The following SLC25A21 variants were observed in gnomAD, a reference collection of about 807,000 sequenced individuals.
SLC25A21 encodes the protein mitochondrial 2-oxodicarboxylate carrier.
Under a neutral mutation model 43.8 loss-of-function variants are expected in SLC25A21, and 47 were observed. That is an observed-to-expected ratio of 1.07 (90% confidence interval 0.85 to 1.37). The LOEUF is 1.37. Ranked by LOEUF, SLC25A21 falls within the 40% of genes most tolerant of loss-of-function variation. The pLI is 0.00. For synonymous variants in SLC25A21, 131 were observed against 121.3 expected, an observed-to-expected ratio of 1.08 and a Z score of -0.52; for missense variants, 352 against 350.2, an observed-to-expected ratio of 1.00 and a Z score of -0.04.
chr14:36,850,633 T>C (rs1489244337), intron 2 of SLC25A21, among the ~76,000 whole-genome samples: 2 of 152,172 alleles, frequency 1.3e-5, no homozygotes, highest in Non-Finnish European at 2.9e-5. Context: ...AAGTAGTTGA[T>C]AGTCCATTAC....
chr14:36,783,224 G>A (rs564023570), intron 3 of SLC25A21, among the ~76,000 whole-genome samples: 61 of 149,306 alleles, frequency 4.1e-4, no homozygotes, highest in South Asian at 1.1e-3. Context: ...GTGGGGGGGC[G>A]GAGGAGGAAT....
At chr14:36,765,160 C>T (rs748507425) in intron 3 of SLC25A21, among the ~76,000 whole-genome samples, 1 of 152,238 alleles carries the variant, frequency 6.6e-6, no homozygotes, top group Non-Finnish European at 1.5e-5. Flanking sequence ...TAGTGTCCTG[C>T]ATTGCTAAGA....
intron 1 of SLC25A21, among the ~76,000 whole-genome samples, chr14:36,980,785 G>C (rs917365808): frequency 6.6e-6 from 1 of 152,158 alleles, no homozygotes; most frequent in African/African-American, 2.4e-5. Context: ...GCATGGGCAA[G>C]GATTTCATGA....
At chr14:36,757,748 C>T (rs1885990925) in intron 3 of SLC25A21, among the ~76,000 whole-genome samples, 1 of 152,242 alleles carries the variant, frequency 6.6e-6, no homozygotes, top group Non-Finnish European at 1.5e-5. Context: ...CAGAAATGGA[C>T]TGGTGTTCAT....
chr14:36,787,102 G>A (rs848114), intron 3 of SLC25A21, among the ~76,000 whole-genome samples: 24,866 of 152,146 alleles, frequency 0.16, 2,236 homozygotes, highest in Middle Eastern at 0.24. Context: ...CAGTGGCCCT[G>A]GGTGAGCTGG....
At chr14:36,978,562 C>T (rs964884974) in intron 1 of SLC25A21, among the ~76,000 whole-genome samples, 10 of 152,120 alleles carry the variant, frequency 6.6e-5, no homozygotes, top group Non-Finnish European at 1.3e-4. Flanking sequence ...TACAATAAAA[C>T]GAGGTATGCC....
chr14:36,818,438 AACT>A (rs1888525123), intron 2 of SLC25A21, among the ~76,000 whole-genome samples: 6 of 152,194 alleles, frequency 3.9e-5, no homozygotes, highest in Non-Finnish European at 7.3e-5. Context: ...AGAGTCCATA[AACT>A]GTGTTGCATG....
At chr14:36,917,303 T>C (rs1378615887) in intron 1 of SLC25A21, among the ~76,000 whole-genome samples, 1 of 152,204 alleles carries the variant, frequency 6.6e-6, no homozygotes, top group East Asian at 1.9e-4. Flanking sequence ...ACTTCCAGCC[T>C]AGAAAAGTAA....
chr14:36,804,176 T>C (rs1258579471), intron 3 of SLC25A21, among the ~76,000 whole-genome samples: 1 of 152,200 alleles, frequency 6.6e-6, no homozygotes, highest in Non-Finnish European at 1.5e-5. Context: ...TGCTGAAGTT[T>C]TCTTGTACAT....
At chr14:36,829,912 A>T (rs939089908) in intron 2 of SLC25A21, among the ~76,000 whole-genome samples, 1 of 150,246 alleles carries the variant, frequency 6.7e-6, no homozygotes, top group Admixed American at 6.7e-5. Flanking sequence ...TAGATGACTG[A>T]TGTTGTCTGC....
chr14:37,150,443 AT>A, intron 1 of SLC25A21, among the ~76,000 whole-genome samples: 1 of 152,268 alleles, frequency 6.6e-6, no homozygotes, highest in Admixed American at 6.5e-5. Flanking sequence ...ACATAAACCC[AT>A]TTTTCCATAC....
At chr14:36,844,351 G>C (rs1014432030) in intron 2 of SLC25A21, among the ~76,000 whole-genome samples, 8 of 152,194 alleles carry the variant, frequency 5.3e-5, no homozygotes, top group African/African-American at 1.7e-4. Context: ...TGCTGGCACA[G>C]ACTCACTGCT....
At chr14:36,765,556 T>C (rs950191220) in intron 3 of SLC25A21, among the ~76,000 whole-genome samples, 10 of 152,188 alleles carry the variant, frequency 6.6e-5, no homozygotes, top group African/African-American at 2.2e-4. Context: ...CAACATTGTA[T>C]ATCATGGCTT....
At chr14:36,930,527 A>G (rs747193354) in intron 1 of SLC25A21, among the ~76,000 whole-genome samples, 1 of 152,054 alleles carries the variant, frequency 6.6e-6, no homozygotes, top group Non-Finnish European at 1.5e-5. Context: ...CCCTTGCCTT[A>G]TATCGATCTG....
intron 1 of SLC25A21, among the ~76,000 whole-genome samples, chr14:37,092,945 G>GGA (rs1202533914): frequency 2.6e-5 from 4 of 151,604 alleles, no homozygotes; most frequent in East Asian, 1.9e-4. Context: ...GCACATACGG[G>GGA]GAGAGAGAGA....
chr14:36,951,196 CA>C (rs1265795032), intron 1 of SLC25A21, among the ~76,000 whole-genome samples: 3 of 139,294 alleles, frequency 2.2e-5, no homozygotes, highest in Non-Finnish European at 4.6e-5. Flanking sequence ...ACAAAAAGAG[CA>C]ATAGTTTAAC....
At chr14:36,778,571 G>A (rs1392472767) in intron 3 of SLC25A21, among the ~76,000 whole-genome samples, 1 of 152,202 alleles carries the variant, frequency 6.6e-6, no homozygotes, top group East Asian at 1.9e-4. Context: ...CAGGGTGGGG[G>A]TGAGGAGATG....
intron 1 of SLC25A21, among the ~76,000 whole-genome samples, chr14:36,909,821 C>A (rs1326518265): frequency 6.6e-6 from 1 of 152,124 alleles, no homozygotes; most frequent in Non-Finnish European, 1.5e-5. Flanking sequence ...CATCAGTAAA[C>A]CACCTACAAG....
At chr14:37,054,193 T>TA (rs1187230111) in intron 1 of SLC25A21, among the ~76,000 whole-genome samples, 1 of 152,188 alleles carries the variant, frequency 6.6e-6, no homozygotes, top group Non-Finnish European at 1.5e-5. Flanking sequence ...AAGATAGTTC[T>TA]AGTTGATAGT....
Sources: gnomAD v4.1 joint callset for allele counts (sites outside exome capture counted in the v4.1 genomes callset) on GRCh38, gnomAD v4.1.1 for gene constraint, MANE v1.5 for transcripts, NCBI Gene and HGNC (gene_info 2026-07-23, HGNC 2026-07-21) for gene names.